The following PARD3 variants were observed in gnomAD, a reference collection of about 807,000 sequenced individuals.
PARD3 encodes par-3 family cell polarity regulator.
PARD3 carries 75 observed loss-of-function variants against 155.4 expected under a neutral mutation model. That is an observed-to-expected ratio of 0.48 (90% CI 0.40 to 0.58). PARD3 has a LOEUF of 0.58. Among genes scored for constraint, PARD3 ranks in the 20% least tolerant of loss-of-function variants. The probability of loss-of-function intolerance (pLI) is 0.00; values close to 1 mark genes in which losing one functional copy is unlikely to be tolerated. For synonymous variants in PARD3, 576 were observed against 610.5 expected (o/e 0.94, Z 0.83); for missense variants, 1,642 against 1,721.7 (o/e 0.95, Z 0.82).
chr10:34,397,482 G>A (rs1321734127), intron 7 of PARD3, among the ~76,000 whole-genome samples: 1 of 152,156 alleles, frequency 6.6e-6, no homozygotes, highest in Non-Finnish European at 1.5e-5. Flanking sequence ...GCTTAAAAAT[G>A]ACTCAGCTAT....
At chr10:34,269,244 A>C (rs2133853416) in intron 22 of PARD3, among the ~76,000 whole-genome samples, 1 of 152,316 alleles carries the variant, frequency 6.6e-6, no homozygotes. Flanking sequence ...CTAAAAAAAA[A>C]GTGATCCATC....
chr10:34,285,953 A>G (rs1956367760), intron 20 of PARD3, among the ~76,000 whole-genome samples: 1 of 152,200 alleles, frequency 6.6e-6, no homozygotes, highest in South Asian at 2.1e-4. Flanking sequence ...ATTTTTGATC[A>G]CTGCAGTTGC....
intron 3 of PARD3, among the ~76,000 whole-genome samples, chr10:34,487,695 C>T (rs2079570392): frequency 6.6e-6 from 1 of 151,526 alleles, no homozygotes; most frequent in South Asian, 2.1e-4. Context: ...GCAGTGCTGA[C>T]TCCCTTATGA....
intron 4 of PARD3, among the ~76,000 whole-genome samples, chr10:34,458,655 T>C (rs151145844): frequency 3.8e-4 from 58 of 152,278 alleles, no homozygotes; most frequent in African/African-American, 1.3e-3. Context: ...ACTTAGATTA[T>C]CTTCTTTATC....
intron 1 of PARD3, among the ~76,000 whole-genome samples, chr10:34,735,272 A>G (rs2094893314): frequency 6.6e-6 from 1 of 152,224 alleles, no homozygotes; most frequent in Non-Finnish European, 1.5e-5. Context: ...GCTTCCATAC[A>G]CAAGAATAAA....
rs1209360326 is a variant in PARD3 at position 34,256,134 on chromosome 10, TATCTTTC to T, written c.3419+13516_3419+13522del. 9.8e-5 allele frequency among the ~76,000 whole-genome samples: 15 copies of T among 152,396 alleles called. No individual in the cohort carries two copies. In the East Asian group the frequency reaches 2.9e-3, roughly 29 times the overall value. On this transcript the variant is annotated intron_variant, in intron 22 of 24. Transcript: ENST00000374788. ...ATACACTTTAAAGTTCGGAATATCA[TATCTTTC>T]AACATATTCGCTAATTATTCACTAA... is the stretch of plus-strand genomic sequence containing the variant.
intron 3 of PARD3, among the ~76,000 whole-genome samples, chr10:34,508,850 T>G (rs917501621): frequency 6.6e-6 from 1 of 152,180 alleles, no homozygotes; most frequent in African/African-American, 2.4e-5. Context: ...TCAGGAGACA[T>G]GATCGCGCAC....
chr10:34,552,943 A>G (rs1482045174), intron 2 of PARD3, among the ~76,000 whole-genome samples: 1 of 152,236 alleles, frequency 6.6e-6, no homozygotes, highest in Non-Finnish European at 1.5e-5. Flanking sequence ...ACACCAACTG[A>G]AACTACGTCA....
intron 1 of PARD3, among the ~76,000 whole-genome samples, chr10:34,790,642 A>C (rs1841514809): frequency 6.6e-6 from 1 of 152,212 alleles, no homozygotes; most frequent in Non-Finnish European, 1.5e-5. Flanking sequence ...AAAAATAAAT[A>C]AGTTATGGCT....
At chr10:34,329,871 T>C (rs1835429379) in intron 19 of PARD3, among the ~76,000 whole-genome samples, 1 of 152,206 alleles carries the variant, frequency 6.6e-6, no homozygotes, top group East Asian at 1.9e-4. Flanking sequence ...GCATTATATG[T>C]ATAAGCATTA....
chr10:34,219,122 C>CT (rs897247183), intron 22 of PARD3, among the ~76,000 whole-genome samples: 3 of 152,192 alleles, frequency 2.0e-5, no homozygotes, highest in Non-Finnish European at 4.4e-5. Flanking sequence ...GGCCTGCCCA[C>CT]TTTATGTCAA....
At chr10:34,354,221 AC>A (rs1838527575) in intron 14 of PARD3, among the ~76,000 whole-genome samples, 1 of 151,850 alleles carries the variant, frequency 6.6e-6, no homozygotes, top group South Asian at 2.1e-4. Context: ...ACTAAAAAAT[AC>A]AAAAAATTAG....
chr10:34,156,492 G>A (rs1353528733), intron 22 of PARD3, among the ~76,000 whole-genome samples: 5 of 152,118 alleles, frequency 3.3e-5, no homozygotes, highest in African/African-American at 9.7e-5. Flanking sequence ...GACGGCTCAT[G>A]GTCAAACTAA....
chr10:34,215,121 AC>A (rs1430109559), intron 22 of PARD3, among the ~76,000 whole-genome samples: 9 of 152,206 alleles, frequency 5.9e-5, no homozygotes, highest in African/African-American at 2.2e-4. Flanking sequence ...CGCTAAATAC[AC>A]TTTAAATACA....
intron 22 of PARD3, among the ~76,000 whole-genome samples, chr10:34,227,796 A>G (rs114215837): frequency 0.018 from 2,565 of 145,742 alleles, 99 homozygotes; most frequent in African/African-American, 0.061. Context: ...GCTACCATTC[A>G]ACTCAGCAAT....
In PARD3 at chr10:34,378,216, T is replaced by C. The variant is rs370952123; in HGVS notation, c.1400-110A>G. On this transcript the variant is annotated intron_variant, in intron 9 of 24. Transcript: ENST00000374788. ...ACTTGACATTTTGTAACTTTCACAA[T>C]GGTCCACATTTCTTCTACTACTTTA... 5.0e-5 allele frequency: 38 copies of C among 764,438 alleles called. No individual in the cohort carries two copies. In the African/African-American group the frequency reaches 6.7e-4, roughly 13 times the overall value. The allele number at this position is 764,438 out of a possible 1,614,324, so 47.4% of individuals were successfully genotyped here.
At chr10:34,428,211 C>G (rs530638027) in intron 5 of PARD3, among the ~76,000 whole-genome samples, 2 of 152,206 alleles carry the variant, frequency 1.3e-5, no homozygotes, top group African/African-American at 4.8e-5. Flanking sequence ...ATTCCCCTGA[C>G]TCTAGTGATA....
chr10:34,289,445 T>C (rs2570340), intron 20 of PARD3, among the ~76,000 whole-genome samples: 152,043 of 152,184 alleles, frequency 1, 75,951 homozygotes, highest in Middle Eastern at 1. Context: ...CCGCACCAGA[T>C]TCCCAAAGTG....
intron 22 of PARD3, among the ~76,000 whole-genome samples, chr10:34,173,100 T>C (rs1486651342): frequency 6.6e-6 from 1 of 152,234 alleles, no homozygotes; most frequent in Admixed American, 6.5e-5. Context: ...CTAGCCCTAT[T>C]GCAGGCATTA....
Sources: gnomAD v4.1 joint callset for allele counts (sites outside exome capture counted in the v4.1 genomes callset) on GRCh38, gnomAD v4.1.1 for gene constraint, MANE v1.5 for transcripts, NCBI Gene and HGNC (gene_info 2026-07-23, HGNC 2026-07-21) for gene names.